The following DENND5B variants were observed in gnomAD, a reference collection of about 807,000 sequenced individuals.
DENND5B encodes DENN domain-containing protein 5B.
In DENND5B, 34 loss-of-function variants were observed where a neutral mutation model predicts 140.6. The observed-to-expected ratio is 0.24, with a 90% CI of 0.18 to 0.32. DENND5B has a LOEUF of 0.32. Ranked by LOEUF, DENND5B falls within the 10% of genes least tolerant of loss-of-function variation. DENND5B has a pLI of 1.00. For synonymous variants in DENND5B, 551 were observed against 562.1 expected, an observed-to-expected ratio of 0.98 and a Z score of 0.28; for missense variants, 1,142 against 1,560.2, an observed-to-expected ratio of 0.73 and a Z score of 4.52.
intron 6 of DENND5B, among the ~76,000 whole-genome samples, chr12:31,445,533 G>C (rs1944237107): frequency 6.6e-6 from 1 of 151,954 alleles, no homozygotes; most frequent in Admixed American, 6.6e-5. Flanking sequence ...GTGAATCCCT[G>C]TCTCTACCAA....
intron 1 of DENND5B, among the ~76,000 whole-genome samples, chr12:31,512,933 C>CT (rs1172346549): frequency 6.6e-6 from 1 of 152,102 alleles, no homozygotes; most frequent in Non-Finnish European, 1.5e-5. Context: ...AAAGTCTAAA[C>CT]TTTATCTAGA....
intron 4 of DENND5B, 98 bp from the exon 5 acceptor site, chr12:31,452,574 A>G: frequency 1.5e-6 from 2 of 1,332,616 alleles, no homozygotes; most frequent in Non-Finnish European, 1.0e-6. Flanking sequence ...ACATAATCCC[A>G]GCACTTTGGG....
rs35939799 is a variant in DENND5B at position 31,459,213 on chromosome 12, GA to G, written c.1092+980del. ...AGCGAAACTCCATCTCAAAAGAAAA[GA>G]AAAAAAAAAGTAAAAACAACACCTA... On this transcript the variant is annotated intron_variant, in intron 4 of 20. Coordinates refer to ENST00000389082, the MANE Select transcript of DENND5B (RefSeq NM_144973.4). Among the ~76,000 whole-genome samples the G allele has an allele frequency of 2.7e-5, 4 of 148,562 alleles. No homozygotes were observed. In the South Asian group the frequency reaches 6.4e-4, roughly 24 times the overall value.
chr12:31,395,454 G>A (rs11051417), intron 17 of DENND5B, among the ~76,000 whole-genome samples: 58,241 of 151,890 alleles, frequency 0.38, 12,034 homozygotes, highest in East Asian at 0.57. Context: ...TTAGCCTCAC[G>A]TGGCAGTGCA....
chr12:31,503,750 C>G (rs1440508026), intron 1 of DENND5B, among the ~76,000 whole-genome samples: 2 of 152,154 alleles, frequency 1.3e-5, no homozygotes, highest in Admixed American at 1.3e-4. Context: ...TCACATAGTC[C>G]TCGTTTCCGG....
intron 13 of DENND5B, among the ~76,000 whole-genome samples, chr12:31,410,132 T>G (rs981131034): frequency 6.6e-6 from 1 of 152,152 alleles, no homozygotes; most frequent in African/African-American, 2.4e-5. Flanking sequence ...TGATGACCAG[T>G]GTTGACAAGG....
At chr12:31,433,064 A>G in intron 8 of DENND5B, 91 bp downstream of exon 8, 1 of 1,092,662 alleles carries the variant, frequency 9.2e-7, no homozygotes, top group South Asian at 1.4e-5. Context: ...TTTAAAGAAC[A>G]TTAAGAATCT....
At chr12:31,442,200 C>T (rs79354628) in intron 7 of DENND5B, among the ~76,000 whole-genome samples, 3,111 of 152,264 alleles carry the variant, frequency 0.02, 55 homozygotes, top group South Asian at 0.053. Flanking sequence ...CATCTGAAGG[C>T]TCTTTCATCT....
chr12:31,483,054 C>T (rs1946131082), intron 2 of DENND5B, among the ~76,000 whole-genome samples: 2 of 152,210 alleles, frequency 1.3e-5, no homozygotes. Flanking sequence ...CCCGCGTGCT[C>T]CCATCAAAAT....
chr12:31,403,594 GA>G (rs66523908), intron 14 of DENND5B, among the ~76,000 whole-genome samples: 5 of 115,006 alleles, frequency 4.3e-5, no homozygotes, highest in African/African-American at 1.8e-4. Context: ...CTCTGCCTCA[GA>G]AAAAAAAAAG....
intron 1 of DENND5B, among the ~76,000 whole-genome samples, chr12:31,507,633 AT>A (rs1319277068): frequency 3.6e-4 from 55 of 152,268 alleles, no homozygotes; most frequent in Middle Eastern, 3.4e-3. Context: ...AGAAAAAAAA[AT>A]TTTTTAAGTA....
intron 8 of DENND5B, among the ~76,000 whole-genome samples, chr12:31,430,403 C>T (rs1303692164): frequency 1.3e-5 from 2 of 148,424 alleles, no homozygotes; most frequent in Non-Finnish European, 3.0e-5. Flanking sequence ...CCTGTAATCC[C>T]AGCACTTTGG....
At position 31,439,419 on chromosome 12, in the gene DENND5B, T is replaced by G. The variant is rs533749417; in HGVS notation, c.2012+3356A>C. Among the ~76,000 whole-genome samples the G allele has an allele frequency of 3.3e-5, 5 of 152,310 alleles. No individual in the cohort carries two copies. In the South Asian group the frequency reaches 1.0e-3, roughly 32 times the overall value. On this transcript the variant is annotated intron_variant, in intron 7 of 20. Coordinates refer to ENST00000389082, the MANE Select transcript of DENND5B (RefSeq NM_144973.4). The stretch of plus-strand genomic sequence containing the variant: ...TCCTCCCTCCTAAGCACTCTCTACT[T>G]TTCTTTCCTACTTTGTTTTTCTTCA...
chr12:31,591,023 TCG>T lies in DENND5B; in HGVS notation c.-193_-192del, dbSNP rs1305058525. On this transcript the variant is annotated 5_prime_UTR_variant, in exon 1 of 21. Coordinates refer to ENST00000389082, the MANE Select transcript of DENND5B (RefSeq NM_144973.4). ...CGGCGCGGGGGAAGCGGCCGCGGGC[TCG>T]CGCGCGGCGGGTCCGGAGCCCGGCC... 9.7e-6 allele frequency: 5 copies of T among 517,020 alleles called. No individual in the cohort carries two copies. The African/African-American group carries it at 1.1e-4, about 11-fold the overall frequency. The allele number at this position is 517,020 out of a possible 1,614,324, so 32.0% of individuals were successfully genotyped here.
At chr12:31,500,831 G>A (rs756675690) in intron 1 of DENND5B, among the ~76,000 whole-genome samples, 26 of 152,072 alleles carry the variant, frequency 1.7e-4, no homozygotes, top group Non-Finnish European at 3.5e-4. Flanking sequence ...AAAATTGTAC[G>A]GCCACTTTGG....
Position 31,574,293 on chromosome 12 carries a change from A to AT in DENND5B, c.127+16412dup, listed in dbSNP as rs1195458166. On this transcript the variant is annotated intron_variant, in intron 1 of 20. Transcript: ENST00000389082. ...AATAATAATAATAATAATAATAATAATAATTTAAAAGGGAGGTGGCCAGGC... is the reference window on the plus strand; with the variant it reads ...AATAATAATAATAATAATAATAATAATTAATTTAAAAGGGAGGTGGCCAGGC... Among the ~76,000 whole-genome samples, 827 of 146,544 alleles carry AT rather than the reference A, an allele frequency of 5.6e-3. 12 individuals are homozygous for AT. The highest frequency in any genetic ancestry group is 0.019 in the African/African-American group (774 of 39,778).
At chr12:31,527,554 C>A (rs1046969268) in intron 1 of DENND5B, among the ~76,000 whole-genome samples, 10 of 152,106 alleles carry the variant, frequency 6.6e-5, no homozygotes, top group East Asian at 1.9e-4. Context: ...CCGAGGCGGG[C>A]GGATCATGAG....
chr12:31,571,488 G>A lies in DENND5B; in HGVS notation c.127+19218C>T, dbSNP rs577027174. ...AATTACTAATTGTAGAAAGGATTTGGGTTTAAAAAAAAAAAGTTGCAAGAA... is the reference window on the plus strand; with the variant it reads ...AATTACTAATTGTAGAAAGGATTTGAGTTTAAAAAAAAAAAGTTGCAAGAA... On this transcript the variant is annotated intron_variant, in intron 1 of 20. Coordinates refer to ENST00000389082, the MANE Select transcript of DENND5B (RefSeq NM_144973.4). Among the ~76,000 whole-genome samples the A allele has an allele frequency of 1.7e-4, 24 of 143,312 alleles. No homozygotes were observed. In the East Asian group the frequency reaches 4.7e-3, roughly 28 times the overall value. 94.0% of individuals were successfully genotyped at this position (143,312 alleles called of 152,430 possible).
At position 31,398,319 on chromosome 12, in the gene DENND5B, T is replaced by G; in HGVS notation, c.3112A>C (p.Ser1038Arg). ...TCTCCAATAAGAATTCTCTCCAGGC[T>G]CCCATCATCAATGCCTTTCCCCAGC... ...RWLGKGIDDG[S>R]LERILIGELM... is the part of the protein sequence containing the mutation. Residue 1038 changes from serine to arginine, a missense_variant, in exon 17 of 21, where the codon AGC (serine) becomes CGC (arginine). Transcript: ENST00000389082. 6.4e-7 allele frequency: 1 copy of G among 1,553,362 alleles called. No homozygotes were observed. The highest frequency in any genetic ancestry group is 1.4e-5 in the African/African-American group (1 of 73,184).
Sources: gnomAD v4.1 joint callset for allele counts (sites outside exome capture counted in the v4.1 genomes callset) on GRCh38, gnomAD v4.1.1 for gene constraint, MANE v1.5 for transcripts, NCBI Gene and HGNC (gene_info 2026-07-23, HGNC 2026-07-21) for gene names.